NCOA3: variants seen among roughly 807,000 people sequenced by gnomAD.
The protein encoded by NCOA3 is CBP-interacting protein.
A neutral mutation model predicts 158.8 loss-of-function variants in NCOA3; 51 were observed. That is an observed-to-expected ratio of 0.32 (90% CI 0.26 to 0.41). The LOEUF (loss-of-function observed/expected upper bound fraction) is 0.41, where lower values mean the gene tolerates loss of function less well. Among genes scored for constraint, NCOA3 ranks in the 10% least tolerant of loss-of-function variants. The probability of loss-of-function intolerance (pLI) is 1.00; values close to 1 mark genes in which losing one functional copy is unlikely to be tolerated. For missense variants in NCOA3, 1,510 were observed against 1,746.6 expected, an observed-to-expected ratio of 0.86 and a Z score of 2.41; for synonymous variants, 537 against 592.4, an observed-to-expected ratio of 0.91 and a Z score of 1.36.
intron 4 of NCOA3, among the ~76,000 whole-genome samples, chr20:47,624,317 C>T (rs1215200608): frequency 1.3e-5 from 2 of 152,130 alleles, no homozygotes; most frequent in Non-Finnish European, 1.5e-5. Context: ...GAGCCCTGAG[C>T]TTGTTTTCCT....
intron 1 of NCOA3, among the ~76,000 whole-genome samples, chr20:47,535,379 T>TTGTA (rs1452783529): frequency 6.6e-6 from 1 of 152,218 alleles, no homozygotes; most frequent in Non-Finnish European, 1.5e-5. Flanking sequence ...TACAGGTGGC[T>TTGTA]TGTGCCAATC....
At chr20:47,548,025 T>C (rs2084861875) in intron 1 of NCOA3, among the ~76,000 whole-genome samples, 3 of 151,864 alleles carry the variant, frequency 2.0e-5, no homozygotes, top group African/African-American at 4.8e-5. Flanking sequence ...GCCACCATGC[T>C]CAGCCTTTGT....
chr20:47,644,508 G>T (rs1043319807), intron 17 of NCOA3, among the ~76,000 whole-genome samples: 2 of 152,098 alleles, frequency 1.3e-5, no homozygotes, highest in South Asian at 4.1e-4. Context: ...CTTGAGTCAC[G>T]TTCAAGCTTG....
At chr20:47,564,081 G>A (rs1240566472) in intron 1 of NCOA3, among the ~76,000 whole-genome samples, 1 of 151,674 alleles carries the variant, frequency 6.6e-6, no homozygotes, top group African/African-American at 2.4e-5. Context: ...GATTGCTTGA[G>A]TCTGCCTGAG....
intron 2 of NCOA3, among the ~76,000 whole-genome samples, chr20:47,616,151 C>T (rs1487547067): frequency 4.3e-5 from 6 of 141,044 alleles, no homozygotes; most frequent in South Asian, 2.4e-4. Flanking sequence ...CCCCACCCCC[C>T]GCCCCGCCAA....
intron 1 of NCOA3, among the ~76,000 whole-genome samples, chr20:47,553,757 C>T (rs2084959019): frequency 6.6e-6 from 1 of 152,016 alleles, no homozygotes; most frequent in Non-Finnish European, 1.5e-5. Flanking sequence ...CATAGTATTC[C>T]ATGGTGTATA....
chr20:47,530,969 C>T (rs2084535165), intron 1 of NCOA3, among the ~76,000 whole-genome samples: 2 of 152,134 alleles, frequency 1.3e-5, no homozygotes, highest in African/African-American at 4.8e-5. Flanking sequence ...ATTACAAATA[C>T]ATTGTAATTA....
intron 1 of NCOA3, among the ~76,000 whole-genome samples, chr20:47,531,178 A>C (rs2084538635): frequency 6.6e-6 from 1 of 152,114 alleles, no homozygotes; most frequent in Non-Finnish European, 1.5e-5. Flanking sequence ...GTCTCTACTA[A>C]AAATACAAAA....
chr20:47,521,141 C>T (rs1467914212), intron 1 of NCOA3, among the ~76,000 whole-genome samples: 1 of 152,196 alleles, frequency 6.6e-6, no homozygotes, highest in Non-Finnish European at 1.5e-5. Flanking sequence ...CAGTTTCTTT[C>T]CGCCTTGCTG....
intron 1 of NCOA3, among the ~76,000 whole-genome samples, chr20:47,546,187 GTTGGTAATTCA>G (rs1399192903): frequency 6.6e-6 from 1 of 152,004 alleles, no homozygotes; most frequent in Non-Finnish European, 1.5e-5. Flanking sequence ...CTTTCTCATT[GTTGGTAATTCA>G]TTCTTGCTGT....
intron 1 of NCOA3, among the ~76,000 whole-genome samples, chr20:47,532,204 A>G (rs6066373): frequency 1.3e-5 from 2 of 151,964 alleles, no homozygotes; most frequent in Non-Finnish European, 2.9e-5. Context: ...AAACAAGGAC[A>G]CCAGGAAGTA....
chr20:47,650,963 A>G lies in NCOA3; in HGVS notation c.3652-19A>G. Reference sequence around the variant, plus strand: ...GTTCTTGCTATATATATGTAATTGCACTCTTTCTTGGGTATTAGCAGGGTT... The same window carrying G: ...GTTCTTGCTATATATATGTAATTGCGCTCTTTCTTGGGTATTAGCAGGGTT... On this transcript the variant is annotated intron_variant, in intron 19 of 22. Coordinates refer to ENST00000371998, the MANE Select transcript of NCOA3 (RefSeq NM_181659.3). The G allele has an allele frequency of 6.2e-7, 1 of 1,609,774 alleles. No individual in the cohort carries two copies. The highest frequency in any genetic ancestry group is 8.5e-7 in the Non-Finnish European group (1 of 1,176,572).
intron 16 of NCOA3, 47 bp from the exon 17 acceptor site, chr20:47,642,166 A>AG (rs2086621993): frequency 2.9e-6 from 4 of 1,385,006 alleles, no homozygotes; most frequent in Non-Finnish European, 1.9e-6. Flanking sequence ...TATTACTCTT[A>AG]GAAAAAAAAA....
At chr20:47,587,613 T>G (rs558320267) in intron 2 of NCOA3, among the ~76,000 whole-genome samples, 26 of 152,342 alleles carry the variant, frequency 1.7e-4, no homozygotes, top group African/African-American at 6.3e-4. Context: ...CATCTCTAGA[T>G]TACTTATAAG....
At chr20:47,602,878 G>T (rs2085884890) in intron 2 of NCOA3, among the ~76,000 whole-genome samples, 1 of 152,070 alleles carries the variant, frequency 6.6e-6, no homozygotes, top group Non-Finnish European at 1.5e-5. Context: ...TTGGCAGTTG[G>T]AAAGGAAGCC....
At chr20:47,623,509 C>T (rs189141399) in intron 3 of NCOA3, among the ~76,000 whole-genome samples, 36 of 152,122 alleles carry the variant, frequency 2.4e-4, no homozygotes, top group Middle Eastern at 3.4e-3. Context: ...AATAATAGGC[C>T]GGGTGTGGTG....
intron 1 of NCOA3, among the ~76,000 whole-genome samples, chr20:47,510,609 T>A (rs1271925183): frequency 6.6e-6 from 1 of 151,748 alleles, no homozygotes; most frequent in African/African-American, 2.4e-5. Context: ...TTAATTCAAT[T>A]TTTGGAGAGG....
At chr20:47,511,550 T>TATATATATATATATACACATAC in intron 1 of NCOA3, among the ~76,000 whole-genome samples, 1 of 52,268 alleles carries the variant, frequency 1.9e-5, no homozygotes, top group Non-Finnish European at 4.0e-5. Context: ...TATATATATA[T>TATATATATATATATACACATAC]ATATATTTCT....
At chr20:47,555,678 G>T (rs141340035) in intron 1 of NCOA3, among the ~76,000 whole-genome samples, 1 of 120,910 alleles carries the variant, frequency 8.3e-6, no homozygotes. Context: ...TCGCCCTGTC[G>T]CCCAGGCTGG....
Sources: allele counts gnomAD v4.1 joint callset (sites outside exome capture counted in the v4.1 genomes callset), GRCh38; gene constraint gnomAD v4.1.1; transcripts MANE v1.5; gene names NCBI Gene and HGNC (gene_info 2026-07-23, HGNC 2026-07-21).